PBRM1: variants seen among roughly 807,000 people sequenced by gnomAD.
The protein encoded by PBRM1 is protein polybromo-1.
PBRM1 carries 27 observed loss-of-function variants against 194.5 expected under a neutral mutation model. That is an observed-to-expected ratio of 0.14 (90% CI 0.10 to 0.19). The LOEUF is 0.19. PBRM1 is among the 10% of genes least tolerant of loss of function. PBRM1 has a pLI of 1.00. For synonymous variants in PBRM1, 655 were observed against 693.2 expected (o/e 0.94, Z 0.87); for missense variants, 1,466 against 2,077.2 (o/e 0.71, Z 5.72).
intron 15 of PBRM1, among the ~76,000 whole-genome samples, chr3:52,612,304 A>C (rs1004201011): frequency 6.7e-6 from 1 of 149,336 alleles, no homozygotes; most frequent in Non-Finnish European, 1.5e-5. Context: ...CAGTTGCAGT[A>C]TGTGGACTTT....
intron 8 of PBRM1, among the ~76,000 whole-genome samples, chr3:52,644,213 G>T (rs2096219034): frequency 6.6e-6 from 1 of 151,948 alleles, no homozygotes; most frequent in Admixed American, 6.6e-5. Context: ...TTTAAAAAAT[G>T]TTTCTAGTTA....
intron 18 of PBRM1, among the ~76,000 whole-genome samples, chr3:52,588,578 C>G (rs370127575): frequency 2.3e-5 from 3 of 128,850 alleles, no homozygotes; most frequent in Admixed American, 1.6e-4. Flanking sequence ...TTTTTTGAGA[C>G]AGTCTCACTC....
intron 27 of PBRM1, among the ~76,000 whole-genome samples, chr3:52,552,966 T>C (rs1320327013): frequency 6.6e-6 from 1 of 152,188 alleles, no homozygotes; most frequent in Non-Finnish European, 1.5e-5. Context: ...TCTGTGGAAT[T>C]ATGGCCATAT....
intron 2 of PBRM1, 34 bp downstream of exon 3, chr3:52,678,466 C>A (rs1486257852): frequency 1.4e-6 from 2 of 1,379,764 alleles, no homozygotes; most frequent in Non-Finnish European, 2.1e-6. Flanking sequence ...TGGACCAAAT[C>A]CCCCGCAACT....
chr3:52,555,241 T>C (rs953587335), intron 26 of PBRM1, among the ~76,000 whole-genome samples: 25 of 152,166 alleles, frequency 1.6e-4, no homozygotes, highest in Non-Finnish European at 5.9e-5. Context: ...TGACTGCAAT[T>C]CTAACTGAAT....
intron 20 of PBRM1, among the ~76,000 whole-genome samples, chr3:52,580,921 A>C (rs1275094718): frequency 6.6e-6 from 1 of 152,216 alleles, no homozygotes; most frequent in Non-Finnish European, 1.5e-5. Flanking sequence ...ACTAAAAAAG[A>C]AAAAGCAAAA....
intron 22 of PBRM1, among the ~76,000 whole-genome samples, chr3:52,567,454 G>A (rs1239163211): frequency 6.6e-6 from 1 of 151,434 alleles, no homozygotes; most frequent in Non-Finnish European, 1.5e-5. Context: ...CTTCCATAAA[G>A]GGTGTCCTAA....
At chr3:52,610,420 C>A (rs1013327136) in intron 15 of PBRM1, among the ~76,000 whole-genome samples, 2 of 152,184 alleles carry the variant, frequency 1.3e-5, no homozygotes, top group Non-Finnish European at 2.9e-5. Flanking sequence ...GCTCTGTCCA[C>A]TGAAAATCGT....
downstream of PBRM1, chr3:52,545,843 TGA>T (rs1489061295): frequency 4.3e-6 from 1 of 233,074 alleles, no homozygotes; most frequent in East Asian, 6.0e-5. Flanking sequence ...TGTACTTTCT[TGA>T]GTCAATTTTT....
intron 18 of PBRM1, among the ~76,000 whole-genome samples, chr3:52,588,552 C>CT (rs36058575): frequency 0.034 from 3,697 of 110,110 alleles, 209 homozygotes; most frequent in African/African-American, 0.11. Flanking sequence ...GTATTTCTTT[C>CT]TTTTTTTTTT....
At chr3:52,596,899 T>C (rs2093607889) in intron 17 of PBRM1, among the ~76,000 whole-genome samples, 1 of 152,146 alleles carries the variant, frequency 6.6e-6, no homozygotes, top group African/African-American at 2.4e-5. Context: ...GCACTAGGAC[T>C]TGCCTAATAG....
At chr3:52,632,686 CTTTTT>C (rs767428790) in intron 11 of PBRM1, among the ~76,000 whole-genome samples, 1 of 138,642 alleles carries the variant, frequency 7.2e-6, no homozygotes, top group African/African-American at 2.6e-5. Context: ...CCACCTTGAC[CTTTTT>C]TTTTTTTTTT....
In PBRM1 at chr3:52,671,985, C is replaced by T. The variant is rs575456368; in HGVS notation, c.237-3340G>A. On this transcript the variant is annotated intron_variant, in intron 2 of 29. Coordinates refer to ENST00000296302, the Ensembl canonical transcript of PBRM1. Reference sequence around the variant, plus strand: ...TTTCTACAGCTGCTGTAACAAATTACCACAAACTTCAGGGCTTAAAACAAA... The same window carrying T: ...TTTCTACAGCTGCTGTAACAAATTATCACAAACTTCAGGGCTTAAAACAAA... 2.9e-4 allele frequency among the ~76,000 whole-genome samples: 44 copies of T among 152,266 alleles called. 1 individual carries two copies. The South Asian group carries it at 4.6e-3, about 16-fold the overall frequency.
At chr3:52,643,263 G>A in exon 9 of PBRM1, 1 of 1,612,316 alleles carries the variant, frequency 6.2e-7, no homozygotes, top group Non-Finnish European at 8.5e-7. Context: ...ATACTTGCTA[G>A]TGGGATTTCT....
chr3:52,579,073 C>A (rs2153684834), exon 21 of PBRM1: 1 of 1,614,124 alleles, frequency 6.2e-7, no homozygotes, highest in Non-Finnish European at 8.5e-7. Context: ...CGAGGACGCA[C>A]CAGGCCATGG....
chr3:52,566,451 T>C (rs979301495), intron 22 of PBRM1, among the ~76,000 whole-genome samples: 1 of 152,192 alleles, frequency 6.6e-6, no homozygotes, highest in Non-Finnish European at 1.5e-5. Flanking sequence ...TTAACAGATG[T>C]AGTATACATA....
chr3:52,649,266 C>T (rs540320952), intron 6 of PBRM1, among the ~76,000 whole-genome samples: 1 of 152,266 alleles, frequency 6.6e-6, no homozygotes, highest in East Asian at 1.9e-4. Context: ...CTCTACCTCC[C>T]ATAATGAGGA....
At chr3:52,661,987 T>A in intron 4 of PBRM1, 146 bp downstream of exon 5, 2 of 767,052 alleles carry the variant, frequency 2.6e-6, no homozygotes, top group Non-Finnish European at 4.2e-6. Context: ...TGGGGCTCTC[T>A]GGCTGAATGT....
intron 13 of PBRM1, among the ~76,000 whole-genome samples, chr3:52,624,693 T>A (rs1396111364): frequency 6.6e-6 from 1 of 152,268 alleles, no homozygotes; most frequent in Non-Finnish European, 1.5e-5. Flanking sequence ...TTAAGGCTAC[T>A]TCTGAACTAG....
Sources: gnomAD v4.1 joint callset for allele counts (sites outside exome capture counted in the v4.1 genomes callset) on GRCh38, gnomAD v4.1.1 for gene constraint, MANE v1.5 for transcripts, NCBI Gene and HGNC (gene_info 2026-07-23, HGNC 2026-07-21) for gene names.